ZNF596: variants seen among roughly 807,000 people sequenced by gnomAD.
ZNF596 encodes the protein zinc finger protein 596.
A neutral mutation model predicts 48.3 loss-of-function variants in ZNF596; 45 were observed. That is an observed-to-expected ratio of 0.93 (90% CI 0.73 to 1.19). ZNF596 has a LOEUF of 1.19. Ranked by LOEUF, ZNF596 falls within the 50% of genes most tolerant of loss-of-function variation. The pLI, the probability that ZNF596 is intolerant of heterozygous loss-of-function variation, is 0.00. For missense variants in ZNF596, 848 were observed against 599.7 expected, an observed-to-expected ratio of 1.41 and a Z score of -4.32; for synonymous variants, 270 against 202.0, an observed-to-expected ratio of 1.34 and a Z score of -2.85.
intron 4 of ZNF596, 123 bp downstream of exon 4, chr8:243,928 C>A: frequency 1.3e-6 from 1 of 768,270 alleles, no homozygotes; most frequent in South Asian, 1.7e-5. Flanking sequence ...CACTCTGTCA[C>A]CCAGGCTGGA....
intron 1 of ZNF596, among the ~76,000 whole-genome samples, chr8:235,401 C>T (rs1796578787): frequency 2.0e-5 from 3 of 151,662 alleles, no homozygotes; most frequent in Non-Finnish European, 2.9e-5. Flanking sequence ...AGATGCAGCC[C>T]ACAAACTGTA....
chr8:244,712 T>G lies in ZNF596; in HGVS notation c.306+11T>G, dbSNP rs1796994318. 1 of 1,606,954 alleles carries G rather than the reference T, an allele frequency of 6.2e-7. No individual in the cohort carries two copies. Among genetic ancestry groups the G allele is most frequent in the African/African-American group, 1.3e-5 (1 of 74,536 alleles). On this transcript the variant is annotated intron_variant, in intron 5 of 5. Coordinates refer to ENST00000398612, the MANE Select transcript of ZNF596 (RefSeq NM_001042416.3). ...ACCATCAGCACAATGGTAAGCTTTATGGATGCAAACCCTGTTCTTACATAT... is the reference window on the plus strand; with the variant it reads ...ACCATCAGCACAATGGTAAGCTTTAGGGATGCAAACCCTGTTCTTACATAT...
chr8:238,668 G>C (rs908525378), intron 1 of ZNF596, among the ~76,000 whole-genome samples: 2 of 148,346 alleles, frequency 1.3e-5, no homozygotes, highest in East Asian at 2.0e-4. Flanking sequence ...TTAGCTGGTC[G>C]TGGTGACGGG....
At chr8:243,040 T>C (rs1036277899) in intron 3 of ZNF596, 27 bp downstream of exon 3, 57 of 1,577,072 alleles carry the variant, frequency 3.6e-5, no homozygotes, top group Non-Finnish European at 4.8e-5. Flanking sequence ...TTATTATGTA[T>C]GTATATACGG....
chr8:243,569 G>C (rs747758571), intron 3 of ZNF596, 153 bp from the exon 4 acceptor site: 2 of 604,738 alleles, frequency 3.3e-6, no homozygotes, highest in East Asian at 2.9e-5. Context: ...CATTTTGCTC[G>C]TGAAGGACTG....
intron 1 of ZNF596, chr8:233,586 TTTTCTTTGTGCTG>T (rs2117055724): frequency 6.4e-6 from 1 of 156,418 alleles, no homozygotes; most frequent in Admixed American, 6.5e-5. Context: ...AAGTATCAAG[TTTTCTTTGTGCTG>T]TTTTCTGCAA....
chr8:245,724 G>C lies in ZNF596; in HGVS notation c.877G>C (p.Asp293His). The C allele has an allele frequency of 6.2e-7, 1 of 1,614,016 alleles. No homozygotes were observed. Among genetic ancestry groups the C allele is most frequent in the African/African-American group, 1.3e-5 (1 of 75,002 alleles). Residue 293 changes from aspartate (D) to histidine (H), a missense_variant, in exon 6 of 6, where the codon GAC becomes CAC. Asp to His is a moderately conservative substitution (Grantham distance 81, BLOSUM62 -1). Transcript: ENST00000398612. ...TGGGAAAGCCTTCACTCATTGCTCT[G>C]ACCTTAGAAAACATGAGAGAACTCA... ...LCGKAFTHCS[D>H]LRKHERTHLG...
At chr8:233,950 T>A (rs1796526484) in intron 1 of ZNF596, among the ~76,000 whole-genome samples, 1 of 152,200 alleles carries the variant, frequency 6.6e-6, no homozygotes, top group African/African-American at 2.4e-5. Context: ...TGCTTGTTAC[T>A]CTCTACTGGC....
Position 245,944 on chromosome 8 carries a change from A to T in ZNF596, c.1097A>T (p.His366Leu). ...AATGGAGAGAAACCACATGGATGTC[A>T]TCTATGTGGGAAAGCATTCACTGAA... ...SHNGEKPHGC[H>L]LCGKAFTESS... Residue 366 changes from histidine (H) to leucine (L), a missense_variant, in exon 6 of 6, where the codon CAT (histidine) becomes CTT (leucine). Transcript: ENST00000398612. 1 of 1,614,134 alleles carries T rather than the reference A, an allele frequency of 6.2e-7. No homozygotes were observed.
chr8:244,009 T>G, intron 4 of ZNF596: 1 of 404,228 alleles, frequency 2.5e-6, no homozygotes, highest in South Asian at 2.4e-5. Flanking sequence ...TGCCTCAGCC[T>G]CCCGAGTAGC....
At chr8:238,485 T>C (rs1796709736) in intron 1 of ZNF596, among the ~76,000 whole-genome samples, 1 of 151,586 alleles carries the variant, frequency 6.6e-6, no homozygotes, top group Non-Finnish European at 1.5e-5. Context: ...AAAATAAATC[T>C]CCAATAATTG....
At chr8:240,082 G>A (rs1424354045) in intron 1 of ZNF596, among the ~76,000 whole-genome samples, 1 of 152,220 alleles carries the variant, frequency 6.6e-6, no homozygotes, top group Admixed American at 6.5e-5. Context: ...GCCAGGAACT[G>A]GGGATGAAAA....
chr8:236,226 G>C (rs1796607850), intron 1 of ZNF596, among the ~76,000 whole-genome samples: 1 of 152,014 alleles, frequency 6.6e-6, no homozygotes, highest in South Asian at 2.1e-4. Flanking sequence ...CTTTTTTTAA[G>C]GACTAATGTT....
chr8:232,796 G>C (rs1796462966), intron 1 of ZNF596, 102 bp downstream of exon 1: 2 of 432,908 alleles, frequency 4.6e-6, no homozygotes, highest in African/African-American at 2.1e-5. Context: ...TCCTCCCTGA[G>C]ATGCTTCCCC....
Position 246,222 on chromosome 8 carries a change from A to G in ZNF596, c.1375A>G (p.Ser459Gly). The stretch of plus-strand genomic sequence containing the variant: ...TATATGTGGTAAAGCCTTCAATAGA[A>G]GTTACAACTTTAGACTTCATAGAAG... The part of the protein sequence containing the change: ...CNICGKAFNR[S>G]YNFRLHRRVH... The change falls in exon 6 of 6, where the codon AGT becomes GGT. Residue 459 changes from serine to glycine, a missense_variant. Ser to Gly is a moderately conservative substitution (Grantham distance 56). Transcript: ENST00000398612. 1 of 1,613,850 alleles carries G rather than the reference A, an allele frequency of 6.2e-7. No homozygotes were observed.
chr8:243,980 C>A (rs1397407868), intron 4 of ZNF596, 175 bp downstream of exon 4: 5 of 460,206 alleles, frequency 1.1e-5, no homozygotes, highest in Non-Finnish European at 2.0e-5. Flanking sequence ...CTCTGCTTCC[C>A]AGATTCAAGT....
At chr8:238,574 G>GCAGATCAT (rs1212372659) in intron 1 of ZNF596, among the ~76,000 whole-genome samples, 11 of 144,884 alleles carry the variant, frequency 7.6e-5, no homozygotes, top group Non-Finnish European at 1.0e-4. Context: ...GCCGAGGTAG[G>GCAGATCAT]CAGATCATTT....
chr8:242,745 C>A, intron 2 of ZNF596, 142 bp from the exon 3 acceptor site: 1 of 643,778 alleles, frequency 1.6e-6, no homozygotes, highest in Non-Finnish European at 2.3e-6. Flanking sequence ...AGATTTAAAG[C>A]AATGTGACAG....
intron 1 of ZNF596, chr8:240,384 G>A (rs1484219758): frequency 6.0e-6 from 1 of 167,022 alleles, no homozygotes; most frequent in Non-Finnish European, 1.3e-5. Flanking sequence ...CAGAGGACCA[G>A]CAGAAGGGAG....
Sources: gnomAD v4.1 joint callset for allele counts (sites outside exome capture counted in the v4.1 genomes callset) on GRCh38, gnomAD v4.1.1 for gene constraint, MANE v1.5 for transcripts, NCBI Gene and HGNC (gene_info 2026-07-23, HGNC 2026-07-21) for gene names.